CFAP65: variants seen among roughly 807,000 people sequenced by gnomAD.
CFAP65 encodes the protein cilia and flagella associated protein 65.
In CFAP65, 155 loss-of-function variants were observed where a neutral mutation model predicts 208.0. The ratio of observed to expected loss-of-function variants is 0.75; its 90% CI spans 0.65 to 0.85. CFAP65 has a LOEUF of 0.85. Ranked by LOEUF, CFAP65 falls within the 40% of genes least tolerant of loss-of-function variation. The pLI is 0.00. For missense variants in CFAP65, 2,294 were observed against 2,451.3 expected (o/e 0.94, Z 1.36); for synonymous variants, 970 against 986.3 (o/e 0.98, Z 0.31).
Position 219,004,379 on chromosome 2 carries a change from A to C in CFAP65, c.5128T>G (p.Phe1710Val). The C allele has an allele frequency of 6.2e-7, 1 of 1,614,088 alleles. No homozygotes were observed. The highest frequency in any genetic ancestry group is 8.5e-7 in the Non-Finnish European group (1 of 1,180,026). The change falls in exon 33 of 35, where the codon TTC becomes GTC. Residue 1710 changes from phenylalanine (F) to valine (V), a missense_variant. Physicochemically the swap from Phe to Val is conservative, Grantham distance 50. Transcript: ENST00000341552. This position sits in a 1 kb window ranked among gnomAD's most constrained non-coding sequence, Gnocchi z 4.7. ...LVEQVPYFRQ[F>V]WNEQSTKFMD... ...AACTTAGTTGACTGCTCATTCCAGA[A>C]TTGGCGGAAGTACGGCACCTGCTCC...
At chr2:219,016,492 A>G (rs1229153539) in intron 21 of CFAP65, among the ~76,000 whole-genome samples, 1 of 151,752 alleles carries the variant, frequency 6.6e-6, no homozygotes, top group South Asian at 2.1e-4. Context: ...ACAGAGTTTC[A>G]CCATGTTGGC....
Position 219,006,102 on chromosome 2 carries a change from AGGCAGAGCATGCCTGGCGAG to A in CFAP65, c.4821_4840del (p.Ser1608GlyfsTer15), listed in dbSNP as rs767138286. ...GGCATGGGCTCGGGCAGTAAGGCCC[AGGCAGAGCATGCCTGGCGAG>A]GGTGGCTGGGGGCAGGGCCAGGACA... On this transcript the variant is annotated frameshift_variant, in exon 31 of 35. Transcript: ENST00000341552. LOFTEE classifies it high-confidence loss of function. 12 of 1,613,536 alleles carry A rather than the reference AGGCAGAGCATGCCTGGCGAG, an allele frequency of 7.4e-6. No individual in the cohort carries two copies. The highest frequency in any genetic ancestry group is 1.0e-5 in the Non-Finnish European group (12 of 1,180,024).
chr2:219,009,578 G>A (rs1946283928), intron 27 of CFAP65, 118 bp from the exon 28 acceptor site: 3 of 682,130 alleles, frequency 4.4e-6, no homozygotes, highest in South Asian at 3.2e-5. Flanking sequence ...AGATGGGATG[G>A]GATAGGATGG....
At chr2:219,039,169 TG>T in intron 2 of CFAP65, 119 bp from the exon 3 acceptor site, 3 of 892,114 alleles carry the variant, frequency 3.4e-6, no homozygotes, top group South Asian at 1.8e-5. Flanking sequence ...ATATGCCAGA[TG>T]CTATGTATAT....
chr2:219,021,996 C>T (rs1425033695), intron 17 of CFAP65, 66 bp from the exon 18 acceptor site: 11 of 1,592,416 alleles, frequency 6.9e-6, no homozygotes, highest in South Asian at 6.8e-5. Context: ...ACTCTCCCAG[C>T]CCCATTTTCA....
intron 21 of CFAP65, among the ~76,000 whole-genome samples, chr2:219,016,621 C>T (rs1282567476): frequency 6.6e-6 from 1 of 152,106 alleles, no homozygotes; most frequent in African/African-American, 2.4e-5. Context: ...TAATTCCAAC[C>T]CCTTTCCCTT....
intron 13 of CFAP65, chr2:219,026,581 A>G (rs997749151): frequency 6.0e-6 from 1 of 165,934 alleles, no homozygotes; most frequent in African/African-American, 2.4e-5. Context: ...TTAACCCAAC[A>G]GATCTAAAAT....
rs1947913146 is a variant in CFAP65 at position 219,030,073 on chromosome 2, G to C, written c.1297C>G (p.Leu433Val). ...CAGTAGTCCACAGTTCTGGTGTCCA[G>C]AGTCTTGGGGTGGAAGAACACCGAC... ...CVSVFFHPKT[L>V]DTRTVDYCSI... Residue 433 changes from leucine (L) to valine (V), a missense_variant, in exon 10 of 35, where the codon CTG becomes GTG. This residue lies in a region of CFAP65 where 867 missense variants were observed against 1,012.6 expected (regional missense o/e 0.86). Transcript: ENST00000341552. 3 of 1,614,018 alleles carry C rather than the reference G, an allele frequency of 1.9e-6. No homozygotes were observed. Among genetic ancestry groups the C allele is most frequent in the African/African-American group, 2.7e-5 (2 of 74,904 alleles).
chr2:219,022,158 C>T lies in CFAP65; in HGVS notation c.2979+13G>A, dbSNP rs543435344. On this transcript the variant is annotated intron_variant, in intron 17 of 34. Transcript: ENST00000341552. Reference sequence around the variant, plus strand: ...CTCCCCCAGCCCCCTCCTGCCAGAGCCCTCCCACTCACAGAGAGGCTGCTG... The same window carrying T: ...CTCCCCCAGCCCCCTCCTGCCAGAGTCCTCCCACTCACAGAGAGGCTGCTG... 1.9e-6 allele frequency: 3 copies of T among 1,569,028 alleles called. No individual in the cohort carries two copies. The highest frequency in any genetic ancestry group is 1.7e-4 in the Middle Eastern group (1 of 5,888).
At chr2:219,012,475 T>A (rs1177584789) in intron 24 of CFAP65, among the ~76,000 whole-genome samples, 1 of 152,192 alleles carries the variant, frequency 6.6e-6, no homozygotes, top group Non-Finnish European at 1.5e-5. Context: ...GATAGGAAAC[T>A]CCCCTCTAGA....
At position 219,024,352 on chromosome 2, in the gene CFAP65, T is replaced by A. The variant is rs1947476803; in HGVS notation, c.2350-92A>T. On this transcript the variant is annotated intron_variant, in intron 14 of 34. Coordinates refer to ENST00000341552, the MANE Select transcript of CFAP65 (RefSeq NM_194302.4). ...CCCTATGGGGGCTTGGGAGGAGCTG[T>A]CTCCAAGTAGATCAGAGGTGCTGCC... The A allele has an allele frequency of 4.7e-6, 7 of 1,478,298 alleles. No homozygotes were observed. In the Admixed American group the frequency reaches 1.1e-4, roughly 23 times the overall value. The allele number at this position is 1,478,298 out of a possible 1,614,324, so 91.6% of individuals were successfully genotyped here.
Position 219,013,953 on chromosome 2 carries a change from C to G in CFAP65, c.3694G>C (p.Val1232Leu), listed in dbSNP as rs765873237. The change falls in exon 22 of 35, where the codon GTG becomes CTG. Residue 1232 changes from valine to leucine, a missense_variant. Transcript: ENST00000341552. ...LNSTELHQMR[V>L]QDNCLFSISP... ...ATGGAGAAGAGGCAATTGTCCTGCA[C>G]GCGCATCTGGTGGAGCTCAGTGGAA... The G allele has an allele frequency of 6.2e-7, 1 of 1,613,668 alleles. No individual in the cohort carries two copies. The highest frequency in any genetic ancestry group is 2.2e-5 in the East Asian group (1 of 44,880).
In CFAP65 at chr2:219,021,262, G is replaced by A. The variant is rs750017588; in HGVS notation, c.3149C>T (p.Thr1050Ile). ...GGACCGGGGTGGCATGCTCCCCTCT[G>A]TTCGGTCCAGCTGCAGAGCTGCTCA... ...NHPLALQLDR[T>I]EGSMPPRSQD... Residue 1050 changes from threonine to isoleucine, a missense_variant, in exon 19 of 35, where the codon ACA becomes ATA. This residue lies in a region of CFAP65 where 1,427 missense variants were observed against 1,438.7 expected (regional missense o/e 0.99). Coordinates refer to ENST00000341552, the MANE Select transcript of CFAP65 (RefSeq NM_194302.4). 1 of 1,600,690 alleles carries A rather than the reference G, an allele frequency of 6.2e-7. No individual in the cohort carries two copies. Among genetic ancestry groups the A allele is most frequent in the East Asian group, 2.3e-5 (1 of 44,270 alleles).
At chr2:219,022,389 C>A (rs1285893035) in intron 16 of CFAP65, 60 bp from the exon 17 acceptor site, 6 of 1,542,914 alleles carry the variant, frequency 3.9e-6, no homozygotes, top group Non-Finnish European at 5.3e-6. Flanking sequence ...AGGTACCTGG[C>A]CATCCGAGGC....
intron 14 of CFAP65, among the ~76,000 whole-genome samples, 194 bp from the exon 15 acceptor site, chr2:219,024,454 CCA>C (rs1559143416): frequency 2.5e-5 from 3 of 120,578 alleles, no homozygotes; most frequent in Admixed American, 1.1e-4. Flanking sequence ...CTTTTGTTCT[CCA>C]GAGACCTCCA....
chr2:219,013,785 G>A (rs2106122183), intron 22 of CFAP65, 83 bp downstream of exon 22: 1 of 1,327,666 alleles, frequency 7.5e-7, no homozygotes, highest in East Asian at 2.3e-5. Context: ...GCCATTTGGG[G>A]TGCCCTGGAG....
intron 13 of CFAP65, chr2:219,027,291 C>A (rs1947693294): frequency 7.0e-7 from 1 of 1,426,178 alleles, no homozygotes; most frequent in Non-Finnish European, 9.2e-7. Context: ...GCTCAAAGCT[C>A]CTTTAGAGTG....
intron 13 of CFAP65, 75 bp downstream of exon 13, chr2:219,027,574 CT>C: frequency 6.2e-7 from 1 of 1,613,144 alleles, no homozygotes. Context: ...CCCTCGGTCA[CT>C]TCCTGCCACC....
intron 9 of CFAP65, among the ~76,000 whole-genome samples, 166 bp downstream of exon 9, chr2:219,030,523 C>G (rs1415522562): frequency 6.6e-6 from 1 of 152,256 alleles, no homozygotes; most frequent in East Asian, 1.9e-4. Flanking sequence ...CCCAGCCCAG[C>G]CCCCAGCTGA....
Sources: allele counts gnomAD v4.1 joint callset (sites outside exome capture counted in the v4.1 genomes callset), GRCh38; gene constraint gnomAD v4.1.1; regional missense constraint gnomAD v4.1.1; non-coding constraint Gnocchi (gnomAD v3.1); transcripts MANE v1.5; gene names NCBI Gene and HGNC (gene_info 2026-07-23, HGNC 2026-07-21).